The following MAPKAP1 variants were observed in gnomAD, a reference collection of about 807,000 sequenced individuals.
MAPKAP1 encodes target of rapamycin complex 2 subunit MAPKAP1.
MAPKAP1 carries 20 observed loss-of-function variants against 65.7 expected under a neutral mutation model. That is an observed-to-expected ratio of 0.30 (90% CI 0.21 to 0.44). MAPKAP1 has a LOEUF of 0.44. MAPKAP1 is among the 20% of genes least tolerant of loss of function. MAPKAP1 has a pLI of 1.00. For missense variants in MAPKAP1, 423 were observed against 648.0 expected (o/e 0.65, Z 3.77); for synonymous variants, 222 against 244.3 (o/e 0.91, Z 0.85).
rs1199378715 is a variant in MAPKAP1 at position 125,438,545 on chromosome 9, C to G, written c.*342G>C. The G allele has an allele frequency of 9.7e-6, 4 of 410,962 alleles. No homozygotes were observed. In the Admixed American group the frequency reaches 1.7e-4, roughly 18 times the overall value. The allele number at this position is 410,962 out of a possible 1,614,324, so 25.5% of individuals were successfully genotyped here. A position where few individuals can be genotyped will look rare whatever the true frequency, so the allele number is the denominator to read the frequency against. ...TGTTGTTTGCTTTAAGAAATTTGAT[C>G]AAGTTGCAAGGAAATGTGTGGGCAC... is the stretch of plus-strand genomic sequence containing the variant. On this transcript the variant is annotated 3_prime_UTR_variant, in exon 12 of 12. Transcript: ENST00000265960.
intron 7 of MAPKAP1, among the ~76,000 whole-genome samples, chr9:125,518,730 T>G (rs1829535652): frequency 6.6e-6 from 1 of 152,208 alleles, no homozygotes; most frequent in African/African-American, 2.4e-5. Flanking sequence ...TTATTAAATT[T>G]ATAAGATATA....
chr9:125,698,245 T>C (rs1835448517), intron 1 of MAPKAP1, among the ~76,000 whole-genome samples: 2 of 135,754 alleles, frequency 1.5e-5, no homozygotes, highest in South Asian at 4.5e-4. Flanking sequence ...TCAAAATATA[T>C]AAATATATAA....
chr9:125,533,326 TGA>T (rs1829984707), intron 7 of MAPKAP1, among the ~76,000 whole-genome samples: 1 of 152,090 alleles, frequency 6.6e-6, no homozygotes, highest in Admixed American at 6.5e-5. Flanking sequence ...CAAATTAAAA[TGA>T]GATACTGGCT....
chr9:125,682,012 T>C (rs1374875711), intron 1 of MAPKAP1, among the ~76,000 whole-genome samples: 1 of 152,220 alleles, frequency 6.6e-6, no homozygotes, highest in Admixed American at 6.5e-5. Flanking sequence ...TACTCCCACT[T>C]TGGCATCCCA....
At chr9:125,534,760 C>T (rs138603172) in intron 7 of MAPKAP1, among the ~76,000 whole-genome samples, 7 of 151,896 alleles carry the variant, frequency 4.6e-5, no homozygotes, top group East Asian at 1.9e-4. Flanking sequence ...TAGCCCCTGA[C>T]GACCACAGCA....
At chr9:125,487,415 G>T (rs942863189) in intron 8 of MAPKAP1, among the ~76,000 whole-genome samples, 3 of 152,060 alleles carry the variant, frequency 2.0e-5, no homozygotes, top group East Asian at 1.9e-4. Flanking sequence ...GAATTGCAGA[G>T]AATTTTGGTA....
intron 9 of MAPKAP1, among the ~76,000 whole-genome samples, chr9:125,480,778 C>A (rs1267890270): frequency 6.6e-6 from 1 of 151,772 alleles, no homozygotes; most frequent in Non-Finnish European, 1.5e-5. Context: ...CGAGACCATC[C>A]TGGCTAACAT....
intron 8 of MAPKAP1, among the ~76,000 whole-genome samples, chr9:125,490,988 A>T (rs1854689147): frequency 6.6e-6 from 1 of 152,024 alleles, no homozygotes; most frequent in Non-Finnish European, 1.5e-5. Flanking sequence ...AATACAAAAA[A>T]TTAGCTGAGG....
At chr9:125,467,621 C>T (rs1043631310) in intron 10 of MAPKAP1, among the ~76,000 whole-genome samples, 4 of 152,162 alleles carry the variant, frequency 2.6e-5, no homozygotes, top group African/African-American at 9.7e-5. Flanking sequence ...CTGGTCAAGT[C>T]CCCCAAATGG....
chr9:125,614,607 C>G (rs904167194), intron 4 of MAPKAP1, among the ~76,000 whole-genome samples: 3 of 152,082 alleles, frequency 2.0e-5, no homozygotes, highest in Non-Finnish European at 4.4e-5. Flanking sequence ...CTTTGAGCAA[C>G]AGAGTGAGAC....
At chr9:125,620,716 T>C (rs4543645) in intron 4 of MAPKAP1, among the ~76,000 whole-genome samples, 1 of 152,168 alleles carries the variant, frequency 6.6e-6, no homozygotes, top group East Asian at 1.9e-4. Context: ...CAGAGACAGA[T>C]TTCCAATCAC....
At chr9:125,688,783 G>A (rs1339960247) in intron 1 of MAPKAP1, among the ~76,000 whole-genome samples, 2 of 152,158 alleles carry the variant, frequency 1.3e-5, no homozygotes, top group South Asian at 2.1e-4. Flanking sequence ...AAAGCTATGA[G>A]GTAGATTCTA....
rs760944389 is a variant in MAPKAP1 at position 125,468,021 on chromosome 9, G to A, written c.1296C>T (p.Ile432=). The A allele has an allele frequency of 4.3e-6, 7 of 1,614,070 alleles. No homozygotes were observed. The highest frequency in any genetic ancestry group is 2.7e-5 in the African/African-American group (2 of 74,924). The change falls in exon 10 of 12, where the codon ATC becomes ATT. Residue 432 remains isoleucine (I), a synonymous_variant. Coordinates refer to ENST00000265960, the MANE Select transcript of MAPKAP1 (RefSeq NM_001006617.3). ...KFWIKQKPIS[I]DSDLLCACDL... ...CACAGGCACAGAGCAGGTCGGAATC[G>A]ATTGAGATGGGTTTCTGCTTAATCC...
intron 3 of MAPKAP1, among the ~76,000 whole-genome samples, chr9:125,663,880 C>A (rs1834260561): frequency 6.6e-6 from 1 of 151,984 alleles, no homozygotes; most frequent in South Asian, 2.1e-4. Context: ...ACTTCACCAA[C>A]AAACACAAAA....
At chr9:125,567,364 C>T (rs570427695) in intron 5 of MAPKAP1, among the ~76,000 whole-genome samples, 26 of 152,304 alleles carry the variant, frequency 1.7e-4, no homozygotes, top group Middle Eastern at 3.4e-3. Context: ...AGTAATGGAG[C>T]CAGCTAAAAC....
At chr9:125,460,316 A>G (rs755924002) in intron 10 of MAPKAP1, among the ~76,000 whole-genome samples, 4 of 152,204 alleles carry the variant, frequency 2.6e-5, no homozygotes, top group Non-Finnish European at 5.9e-5. Context: ...GAGAAAAAAA[A>G]AAAAGTTGAT....
At chr9:125,536,809 G>A (rs1047100539) in intron 7 of MAPKAP1, among the ~76,000 whole-genome samples, 2 of 152,182 alleles carry the variant, frequency 1.3e-5, no homozygotes, top group African/African-American at 4.8e-5. Flanking sequence ...CAGGCTAGAA[G>A]GGTGTTAAAA....
intron 10 of MAPKAP1, among the ~76,000 whole-genome samples, chr9:125,458,183 G>A (rs892839628): frequency 3.3e-5 from 5 of 150,254 alleles, no homozygotes; most frequent in Admixed American, 6.6e-5. Flanking sequence ...TAATCTGGTC[G>A]AAGTTACCAT....
At chr9:125,676,722 A>C (rs1452796266) in intron 1 of MAPKAP1, among the ~76,000 whole-genome samples, 1 of 152,254 alleles carries the variant, frequency 6.6e-6, no homozygotes, top group Non-Finnish European at 1.5e-5. Flanking sequence ...GAATGTATGT[A>C]ATGCCAATGA....
Sources: allele counts gnomAD v4.1 joint callset (sites outside exome capture counted in the v4.1 genomes callset), GRCh38; gene constraint gnomAD v4.1.1; transcripts MANE v1.5; gene names NCBI Gene and HGNC (gene_info 2026-07-23, HGNC 2026-07-21).